KIRREL3: variants seen among roughly 807,000 people sequenced by gnomAD.
The protein encoded by KIRREL3 is kin of IRRE-like protein 3.
Under a neutral mutation model 89.7 loss-of-function variants are expected in KIRREL3, and 36 were observed. That is an observed-to-expected ratio of 0.40 (90% CI 0.31 to 0.53). The LOEUF (loss-of-function observed/expected upper bound fraction) is 0.53. Ranked by LOEUF, KIRREL3 falls within the 20% of genes least tolerant of loss-of-function variation. The probability of loss-of-function intolerance (pLI) is 0.49; values close to 1 mark genes in which losing one functional copy is unlikely to be tolerated. For missense variants in KIRREL3, 864 were observed against 1,056.6 expected (o/e 0.82, Z 2.53); for synonymous variants, 445 against 441.4 (o/e 1.01, Z -0.10).
chr11:126,957,442 A>C (rs555685740), intron 1 of KIRREL3, among the ~76,000 whole-genome samples: 1 of 152,328 alleles, frequency 6.6e-6, no homozygotes, highest in Non-Finnish European at 1.5e-5. Flanking sequence ...TTGAGTATTA[A>C]TATTTAATTT....
chr11:126,922,046 C>G (rs1206083087), intron 1 of KIRREL3, among the ~76,000 whole-genome samples: 1 of 151,312 alleles, frequency 6.6e-6, no homozygotes, highest in East Asian at 2.0e-4. Context: ...ATCTATCTTC[C>G]TATCTATCTA....
At chr11:126,717,482 C>A (rs1948010556) in intron 1 of KIRREL3, among the ~76,000 whole-genome samples, 1 of 152,178 alleles carries the variant, frequency 6.6e-6, no homozygotes, top group Non-Finnish European at 1.5e-5. Context: ...GACTCAGATG[C>A]TTTGAAAGTT....
At chr11:126,663,663 C>A (rs936447464) in intron 1 of KIRREL3, among the ~76,000 whole-genome samples, 1 of 152,166 alleles carries the variant, frequency 6.6e-6, no homozygotes, top group Admixed American at 6.5e-5. Flanking sequence ...GGAAGTGGCA[C>A]ATGACATGTC....
At chr11:126,873,690 G>T (rs1793678) in intron 1 of KIRREL3, among the ~76,000 whole-genome samples, 129,555 of 152,214 alleles carry the variant, frequency 0.85, 55,356 homozygotes, top group East Asian at 1. Flanking sequence ...GAACACCTCA[G>T]GTCCACAAAG....
At chr11:126,873,782 C>G (rs1469963722) in intron 1 of KIRREL3, among the ~76,000 whole-genome samples, 1 of 152,182 alleles carries the variant, frequency 6.6e-6, no homozygotes, top group Non-Finnish European at 1.5e-5. Flanking sequence ...CCTCACTTGG[C>G]TGACTGGGTG....
chr11:126,847,585 A>G (rs1036310980), intron 1 of KIRREL3, among the ~76,000 whole-genome samples: 1 of 152,162 alleles, frequency 6.6e-6, no homozygotes, highest in Non-Finnish European at 1.5e-5. Flanking sequence ...GAGAGCTGAA[A>G]TGTTCATGAA....
In KIRREL3 at chr11:126,682,943, C is replaced by A. The variant is rs1260442442; in HGVS notation, c.56-120031G>T. On this transcript the variant is annotated intron_variant, in intron 1 of 16. Coordinates refer to ENST00000525144, the MANE Select transcript of KIRREL3 (RefSeq NM_032531.4). The surrounding 1 kb of genome is among the most constrained non-coding windows in gnomAD (Gnocchi z 4.8). ...TAAGATGCCATTAAATTACTATGAC[C>A]TCCTGGGCTCAAGCAATCCTCGCAC... Among the ~76,000 whole-genome samples, 4 of 152,122 alleles carry A rather than the reference C, an allele frequency of 2.6e-5. No homozygotes were observed. Among genetic ancestry groups the A allele is most frequent in the Non-Finnish European group, 5.9e-5 (4 of 68,034 alleles).
At position 126,550,429 on chromosome 11, in the gene KIRREL3, C is replaced by G. The variant is rs1004658865; in HGVS notation, c.133+12406G>C. ...TGGGAGGCTGAGGCGGGTGGATCAC[C>G]CGAGGTCAGGAGTTTGAGACCAGCC... is the stretch of plus-strand genomic sequence containing the variant. On this transcript the variant is annotated intron_variant, in intron 2 of 16. Coordinates refer to ENST00000525144, the MANE Select transcript of KIRREL3 (RefSeq NM_032531.4). The surrounding 1 kb of genome is among the most constrained non-coding windows in gnomAD (Gnocchi z 4.9). 3.3e-5 allele frequency: 5 copies of G among 152,102 alleles called. No individual in the cohort carries two copies. The highest frequency in any genetic ancestry group is 6.6e-5 in the Admixed American group (1 of 15,264). 9.4% of individuals were successfully genotyped at this position (152,102 alleles called of 1,614,324 possible).
chr11:126,508,798 C>T lies in KIRREL3; in HGVS notation c.433+12517G>A, dbSNP rs530802990. Among the ~76,000 whole-genome samples the T allele has an allele frequency of 7.6e-4, 116 of 152,238 alleles. No individual in the cohort carries two copies. Among genetic ancestry groups the T allele is most frequent in the Admixed American group, 3.5e-3 (54 of 15,294 alleles). On this transcript the variant is annotated intron_variant, in intron 4 of 16. Transcript: ENST00000525144. The surrounding 1 kb of genome is among the most constrained non-coding windows in gnomAD (Gnocchi z 4.9). ...GCTTCCTCGTCCGTAAAAGGGGACA[C>T]GGGACCTGCCTGGCAGAGCTGGTCA...
intron 1 of KIRREL3, among the ~76,000 whole-genome samples, chr11:126,828,336 GGGA>G (rs960502168): frequency 6.6e-6 from 1 of 152,032 alleles, no homozygotes; most frequent in African/African-American, 2.4e-5. Flanking sequence ...GGTAGTGGCA[GGGA>G]GGAGAGGTCT....
At position 126,523,666 on chromosome 11, in the gene KIRREL3, C is replaced by G. The variant is rs1007849418; in HGVS notation, c.284-2202G>C. Among the ~76,000 whole-genome samples the G allele has an allele frequency of 6.6e-6, 1 of 152,126 alleles. No individual in the cohort carries two copies. The highest frequency in any genetic ancestry group is 1.5e-5 in the Non-Finnish European group (1 of 68,036). ...CCAGGTAAGTTAAGCTGTCTCCCCCCAGGGCCAGGAGAGGGGCTGGAAATG... is the reference window on the plus strand; with the variant it reads ...CCAGGTAAGTTAAGCTGTCTCCCCCGAGGGCCAGGAGAGGGGCTGGAAATG... On this transcript the variant is annotated intron_variant, in intron 3 of 16. Transcript: ENST00000525144. The surrounding 1 kb of genome is among the most constrained non-coding windows in gnomAD (Gnocchi z 4.9).
intron 1 of KIRREL3, among the ~76,000 whole-genome samples, chr11:126,585,583 C>T (rs576223745): frequency 6.6e-6 from 1 of 152,334 alleles, no homozygotes; most frequent in Non-Finnish European, 1.5e-5. Flanking sequence ...CAAGAGGCTT[C>T]GCTCCCATCT....
chr11:126,877,631 T>C lies in KIRREL3; in HGVS notation c.55+122824A>G, dbSNP rs1319226860. On this transcript the variant is annotated intron_variant, in intron 1 of 16. Transcript: ENST00000525144. The surrounding 1 kb of genome is among the most constrained non-coding windows in gnomAD (Gnocchi z 4.9). ...TTTTTGACTTGGCTTATTTGAAAAA[T>C]TATCCCGTTTTATCAATTTTATTTG... is the stretch of plus-strand genomic sequence containing the variant. Among the ~76,000 whole-genome samples the C allele has an allele frequency of 6.6e-6, 1 of 152,218 alleles. No homozygotes were observed. Among genetic ancestry groups the C allele is most frequent in the Non-Finnish European group, 1.5e-5 (1 of 68,040 alleles).
chr11:126,656,392 A>G lies in KIRREL3; in HGVS notation c.56-93480T>C, dbSNP rs1208197009. 6.6e-6 allele frequency among the ~76,000 whole-genome samples: 1 copy of G among 152,238 alleles called. No homozygotes were observed. Among genetic ancestry groups the G allele is most frequent in the Non-Finnish European group, 1.5e-5 (1 of 68,044 alleles). Reference sequence around the variant, plus strand: ...TTATAATTGTTTTGTATGTTTTGGCAAGAAAATAGAATAATATTATTATTG... The same window carrying G: ...TTATAATTGTTTTGTATGTTTTGGCGAGAAAATAGAATAATATTATTATTG... On this transcript the variant is annotated intron_variant, in intron 1 of 16. Coordinates refer to ENST00000525144, the MANE Select transcript of KIRREL3 (RefSeq NM_032531.4). This position sits in a 1 kb window ranked among gnomAD's most constrained non-coding sequence, Gnocchi z 4.0.
intron 1 of KIRREL3, among the ~76,000 whole-genome samples, chr11:126,732,625 C>A (rs981544574): frequency 1.3e-5 from 2 of 152,254 alleles, no homozygotes; most frequent in Non-Finnish European, 2.9e-5. Flanking sequence ...TGAATTCCTG[C>A]TCTCTGGAGT....
chr11:126,798,157 T>C (rs1234924908), intron 1 of KIRREL3, among the ~76,000 whole-genome samples: 1 of 146,372 alleles, frequency 6.8e-6, no homozygotes, highest in Non-Finnish European at 1.5e-5. Flanking sequence ...CCCCTTCTGC[T>C]TCCCTGATTC....
In KIRREL3 at chr11:126,923,181, C is replaced by T. The variant is rs1393527786; in HGVS notation, c.55+77274G>A. ...TTCTTCTTCTTCTTCTTCTTCTCTTCTTCTTCTCTTCTTCTTCTTCTTCTT... is the reference window on the plus strand; with the variant it reads ...TTCTTCTTCTTCTTCTTCTTCTCTTTTTCTTCTCTTCTTCTTCTTCTTCTT... On this transcript the variant is annotated intron_variant, in intron 1 of 16. Transcript: ENST00000525144. Among the ~76,000 whole-genome samples the T allele has an allele frequency of 2.3e-4, 5 of 21,416 alleles. 1 individual carries two copies. The highest frequency in any genetic ancestry group is 6.2e-4 in the Admixed American group (1 of 1,626). The allele number at this position is 21,416 out of a possible 152,430, so 14.0% of individuals were successfully genotyped here. A position where few individuals can be genotyped will look rare whatever the true frequency, so the allele number is the denominator to read the frequency against.
rs1174793194 is a variant in KIRREL3, at chr11:126,526,751, C to T, written c.134-64G>A. On this transcript the variant is annotated intron_variant, in intron 2 of 16. Transcript: ENST00000525144. The surrounding 1 kb of genome is among the most constrained non-coding windows in gnomAD (Gnocchi z 5.7). ...GCTACAGGGGCGAGAAGGCTCCCCT[C>T]CAGCTATGGAAGCAGAGCAGGGCTG... 1 of 1,503,646 alleles carries T rather than the reference C, an allele frequency of 6.7e-7. No homozygotes were observed. The highest frequency in any genetic ancestry group is 1.4e-5 in the African/African-American group (1 of 72,204). 93.1% of individuals were successfully genotyped at this position (1,503,646 alleles called of 1,614,324 possible).
chr11:126,800,591 C>T (rs1387227245), intron 1 of KIRREL3, among the ~76,000 whole-genome samples: 1 of 152,190 alleles, frequency 6.6e-6, no homozygotes, highest in African/African-American at 2.4e-5. Context: ...CTCAAATATC[C>T]TTCTCTCCTC....
Sources: allele counts gnomAD v4.1 joint callset (sites outside exome capture counted in the v4.1 genomes callset), GRCh38; gene constraint gnomAD v4.1.1; non-coding constraint Gnocchi (gnomAD v3.1); transcripts MANE v1.5; gene names NCBI Gene and HGNC (gene_info 2026-07-23, HGNC 2026-07-21).